Variants in NRXN3 observed in about 807,000 individuals in gnomAD.
The protein encoded by NRXN3 is neurexin III.
A neutral mutation model predicts 137.6 loss-of-function variants in NRXN3; 32 were observed. The ratio of observed to expected loss-of-function variants is 0.23; its 90% CI spans 0.18 to 0.31. The LOEUF is 0.31. NRXN3 is among the 10% of genes least tolerant of loss of function. NRXN3 has a pLI of 1.00. For synonymous variants in NRXN3, 798 were observed against 784.5 expected (o/e 1.02, Z -0.29); for missense variants, 1,574 against 2,062.5 (o/e 0.76, Z 4.59).
intron 4 of NRXN3, among the ~76,000 whole-genome samples, chr14:78,524,591 A>T (rs1297713374): frequency 6.6e-6 from 1 of 152,022 alleles, no homozygotes; most frequent in Non-Finnish European, 1.5e-5. Context: ...TCCCCAGGCG[A>T]TTTTTCTGCC....
chr14:79,265,690 C>T (rs754910093), intron 15 of NRXN3, among the ~76,000 whole-genome samples: 1 of 152,100 alleles, frequency 6.6e-6, no homozygotes, highest in Admixed American at 6.6e-5. Flanking sequence ...TGTACACCGA[C>T]AAGGTATACA....
intron 15 of NRXN3, among the ~76,000 whole-genome samples, chr14:79,128,693 A>C (rs1400396985): frequency 6.6e-6 from 1 of 152,186 alleles, no homozygotes. Context: ...TGGCCTCATA[A>C]AATGAGTTAG....
At position 78,847,851 on chromosome 14, in the gene NRXN3, T is replaced by C. The variant is rs535933138; in HGVS notation, c.2275+37507T>C. On this transcript the variant is annotated intron_variant, in intron 10 of 20. Transcript: ENST00000335750. The stretch of plus-strand genomic sequence containing the variant: ...ATTTCTATGAATAGGCACATCTATA[T>C]ACACTTTTTCAAAGAAAGAAAGGTC... Among the ~76,000 whole-genome samples the C allele has an allele frequency of 2.6e-5, 4 of 152,234 alleles. No individual in the cohort carries two copies. The South Asian group carries it at 8.3e-4, about 32-fold the overall frequency.
intron 15 of NRXN3, among the ~76,000 whole-genome samples, chr14:79,282,834 A>G (rs1412693418): frequency 6.6e-6 from 1 of 152,142 alleles, no homozygotes; most frequent in East Asian, 1.9e-4. Context: ...GTCCCAACTC[A>G]TTGATTTGGG....
chr14:79,803,257 GT>G (rs2099188947), intron 19 of NRXN3, among the ~76,000 whole-genome samples: 1 of 152,006 alleles, frequency 6.6e-6, no homozygotes, highest in Non-Finnish European at 1.5e-5. Context: ...AAAAAAGGAT[GT>G]TTTCTGGAAC....
intron 15 of NRXN3, among the ~76,000 whole-genome samples, chr14:79,454,505 C>T (rs58822730): frequency 0.035 from 5,368 of 151,658 alleles, 284 homozygotes; most frequent in African/African-American, 0.12. Context: ...CATGAGTCAC[C>T]GTGCCCAGCC....
At chr14:79,670,873 T>C (rs1407932748) in intron 17 of NRXN3, among the ~76,000 whole-genome samples, 1 of 152,178 alleles carries the variant, frequency 6.6e-6, no homozygotes, top group Non-Finnish European at 1.5e-5. Context: ...GAAGTTTACT[T>C]ATGAAAGGTG....
intron 16 of NRXN3, among the ~76,000 whole-genome samples, chr14:79,500,659 A>G (rs2096817189): frequency 6.6e-6 from 1 of 152,158 alleles, no homozygotes. Context: ...TTGCTAAGAG[A>G]ACATCAAGGC....
intron 10 of NRXN3, among the ~76,000 whole-genome samples, chr14:78,849,007 T>C (rs1381622963): frequency 6.6e-6 from 1 of 152,076 alleles, no homozygotes; most frequent in Middle Eastern, 3.2e-3. Context: ...GGTAAGTAAT[T>C]ATGCACAGAG....
chr14:78,534,432 A>C (rs150789170), intron 4 of NRXN3, among the ~76,000 whole-genome samples: 2 of 152,342 alleles, frequency 1.3e-5, no homozygotes, highest in Non-Finnish European at 1.5e-5. Flanking sequence ...ATTTTAAAGA[A>C]TGTCATAATC....
intron 15 of NRXN3, among the ~76,000 whole-genome samples, chr14:79,274,973 G>C (rs1191613232): frequency 1.3e-5 from 2 of 152,148 alleles, no homozygotes; most frequent in Non-Finnish European, 2.9e-5. Flanking sequence ...ACTTGTAGAA[G>C]TGATGTCTAA....
At chr14:78,253,595 A>G (rs1319664638) in intron 2 of NRXN3, among the ~76,000 whole-genome samples, 1 of 152,104 alleles carries the variant, frequency 6.6e-6, no homozygotes, top group East Asian at 1.9e-4. Flanking sequence ...GGATCGCTTG[A>G]ACCCAGGAGA....
intron 1 of NRXN3, among the ~76,000 whole-genome samples, chr14:78,214,721 C>T (rs2063084492): frequency 1.3e-5 from 2 of 152,194 alleles, no homozygotes. Context: ...CTTGTTTGCC[C>T]AGCCTCCTTG....
intron 2 of NRXN3, among the ~76,000 whole-genome samples, chr14:78,253,331 GC>G (rs1258673136): frequency 6.6e-6 from 1 of 152,178 alleles, no homozygotes; most frequent in Non-Finnish European, 1.5e-5. Flanking sequence ...TTACTTTCTA[GC>G]TGTGACTTTG....
At chr14:78,443,755 A>G (rs796678690) in intron 4 of NRXN3, among the ~76,000 whole-genome samples, 51 of 152,340 alleles carry the variant, frequency 3.3e-4, no homozygotes, top group African/African-American at 1.2e-3. Context: ...TACAAAGTTT[A>G]TATGAAATAA....
intron 15 of NRXN3, among the ~76,000 whole-genome samples, chr14:79,433,104 T>C (rs181078405): frequency 1.2e-4 from 18 of 152,258 alleles, no homozygotes; most frequent in African/African-American, 4.3e-4. Flanking sequence ...ATGAAAGAGG[T>C]TGGATCCATT....
chr14:78,811,560 A>G lies in NRXN3; in HGVS notation c.2275+1216A>G, dbSNP rs372642927. Among the ~76,000 whole-genome samples, 44 of 152,356 alleles carry G rather than the reference A, an allele frequency of 2.9e-4. No homozygotes were observed. In the South Asian group the frequency reaches 7.0e-3, roughly 24 times the overall value. ...AACTGGATTAGTTGATATCTAGCAC[A>G]TGTAATTCTCCATAGTATCTCATCA... On this transcript the variant is annotated intron_variant, in intron 10 of 20. Coordinates refer to ENST00000335750, the MANE Select transcript of NRXN3 (RefSeq NM_001330195.2).
chr14:79,399,753 G>T (rs2095136480), intron 15 of NRXN3, among the ~76,000 whole-genome samples: 2 of 152,150 alleles, frequency 1.3e-5, no homozygotes, highest in Admixed American at 6.5e-5. Flanking sequence ...CTGACAAATT[G>T]TGAAAAACTG....
chr14:79,161,511 G>C (rs372783317), intron 15 of NRXN3, among the ~76,000 whole-genome samples: 49 of 152,014 alleles, frequency 3.2e-4, no homozygotes, highest in Middle Eastern at 3.4e-3. Flanking sequence ...ATGATTATTT[G>C]CATTGACTTT....
Sources: gnomAD v4.1 joint callset for allele counts (sites outside exome capture counted in the v4.1 genomes callset) on GRCh38, gnomAD v4.1.1 for gene constraint, MANE v1.5 for transcripts, NCBI Gene and HGNC (gene_info 2026-07-23, HGNC 2026-07-21) for gene names.